Variants in WDR41 observed in about 807,000 individuals in gnomAD.
WDR41 encodes the protein WD repeat-containing protein 41.
A neutral mutation model predicts 69.3 loss-of-function variants in WDR41; 63 were observed. That is an observed-to-expected ratio of 0.91 (90% confidence interval 0.74 to 1.12). The LOEUF (loss-of-function observed/expected upper bound fraction) is 1.12, where lower values mean the gene tolerates loss of function less well. Ranked by LOEUF, WDR41 falls within the 50% of genes most tolerant of loss-of-function variation. The pLI is 0.00. For synonymous variants in WDR41, 185 were observed against 192.1 expected (o/e 0.96, Z 0.31); for missense variants, 543 against 534.5 (o/e 1.02, Z -0.16).
chr5:77,542,009 T>G (rs1370898065), intron 1 of WDR41, among the ~76,000 whole-genome samples: 1 of 152,036 alleles, frequency 6.6e-6, no homozygotes, highest in Non-Finnish European at 1.5e-5. Context: ...AGCAAAGACA[T>G]GGAATCAGCC....
At chr5:77,543,330 T>A (rs768927655) in intron 1 of WDR41, among the ~76,000 whole-genome samples, 1 of 152,042 alleles carries the variant, frequency 6.6e-6, no homozygotes, top group Non-Finnish European at 1.5e-5. Flanking sequence ...TGAAAAAGAA[T>A]TCAGGAGGTT....
chr5:77,523,618 A>G (rs968344457), intron 1 of WDR41, among the ~76,000 whole-genome samples: 1 of 151,784 alleles, frequency 6.6e-6, no homozygotes, highest in Non-Finnish European at 1.5e-5. Context: ...TTAGAAATAT[A>G]TTTGGGTTTA....
At chr5:77,472,678 A>C (rs1800683032) in intron 2 of WDR41, among the ~76,000 whole-genome samples, 1 of 152,072 alleles carries the variant, frequency 6.6e-6, no homozygotes, top group African/African-American at 2.4e-5. Flanking sequence ...CAATTGCTTC[A>C]AAGAGAATAA....
intron 1 of WDR41, among the ~76,000 whole-genome samples, chr5:77,564,496 T>C (rs1326755710): frequency 2.0e-5 from 3 of 152,212 alleles, no homozygotes; most frequent in Non-Finnish European, 4.4e-5. Flanking sequence ...CATAGTTTTG[T>C]CACAACTTGT....
At chr5:77,469,590 G>C (rs1231268459) in intron 2 of WDR41, among the ~76,000 whole-genome samples, 2 of 152,140 alleles carry the variant, frequency 1.3e-5, no homozygotes, top group Non-Finnish European at 2.9e-5. Context: ...ATTTTTGCGT[G>C]TGTGTGATGT....
At chr5:77,456,128 T>A (rs1271162126) in intron 5 of WDR41, among the ~76,000 whole-genome samples, 1 of 152,194 alleles carries the variant, frequency 6.6e-6, no homozygotes, top group Non-Finnish European at 1.5e-5. Context: ...ATCTTTAATA[T>A]CTTTCAACAA....
Position 77,489,648 on chromosome 5 carries a change from G to C in WDR41, c.52-76C>G, listed in dbSNP as rs976050710. ...TAAAATGATTTGTAAGACCATATTG[G>C]AATATAACTCCATGGTATACATCTG... On this transcript the variant is annotated intron_variant, in intron 1 of 12. Transcript: ENST00000296679. 1.0e-5 allele frequency: 9 copies of C among 879,100 alleles called. No individual in the cohort carries two copies. The Admixed American group carries it at 2.0e-4, about 19-fold the overall frequency. 54.5% of individuals were successfully genotyped at this position (879,100 alleles called of 1,614,324 possible). A position where few individuals can be genotyped will look rare whatever the true frequency, so the allele number is the denominator to read the frequency against.
At chr5:77,470,294 G>A (rs1800519886) in intron 2 of WDR41, among the ~76,000 whole-genome samples, 1 of 152,146 alleles carries the variant, frequency 6.6e-6, no homozygotes, top group Admixed American at 6.5e-5. Flanking sequence ...AACATGGAAA[G>A]GAACAACCGA....
chr5:77,559,071 A>G (rs1189504070), intron 1 of WDR41, among the ~76,000 whole-genome samples: 1 of 152,188 alleles, frequency 6.6e-6, no homozygotes, highest in Non-Finnish European at 1.5e-5. Context: ...AATAACAGAC[A>G]CATGTATTGA....
At chr5:77,538,853 G>A (rs891208088) in intron 1 of WDR41, among the ~76,000 whole-genome samples, 1 of 152,136 alleles carries the variant, frequency 6.6e-6, no homozygotes. Context: ...AGAGGTTTTT[G>A]TTTACTTTTT....
At chr5:77,609,682 G>A (rs1423615317) in intron 1 of WDR41, among the ~76,000 whole-genome samples, 2 of 151,934 alleles carry the variant, frequency 1.3e-5, no homozygotes, top group East Asian at 3.9e-4. Context: ...AAGACCAAAA[G>A]TAGATAAAAC....
In WDR41 at chr5:77,523,150, C is replaced by T. The variant is rs1489153751; in HGVS notation, c.43-33578G>A. Among the ~76,000 whole-genome samples, 4 of 151,908 alleles carry T rather than the reference C, an allele frequency of 2.6e-5. No homozygotes were observed. The East Asian group carries it at 7.7e-4, about 29-fold the overall frequency. ...CCAACATAGTGAAACCCCATCTCTACTAAAAATACAAAAATTAGCTTGGCG... is the reference window on the plus strand; with the variant it reads ...CCAACATAGTGAAACCCCATCTCTATTAAAAATACAAAAATTAGCTTGGCG... On this transcript the variant is annotated intron_variant, in intron 1 of 5. Coordinates refer to the WDR41 transcript ENST00000509971.
intron 1 of WDR41, chr5:77,582,773 T>C (rs899435944): frequency 1.0e-5 from 16 of 1,598,838 alleles, no homozygotes; most frequent in Non-Finnish European, 1.4e-5. Flanking sequence ...ATTAACATGC[T>C]GAGGATTGTA....
At chr5:77,617,037 C>T (rs547800034) in intron 1 of WDR41, among the ~76,000 whole-genome samples, 1 of 152,332 alleles carries the variant, frequency 6.6e-6, no homozygotes, top group Admixed American at 6.5e-5. Flanking sequence ...ACAGCTAAAG[C>T]ACAGAATGGG....
At chr5:77,466,408 T>C (rs1800306277) in intron 2 of WDR41, among the ~76,000 whole-genome samples, 1 of 151,876 alleles carries the variant, frequency 6.6e-6, no homozygotes, top group Admixed American at 6.6e-5. Context: ...TGTATAGTGA[T>C]GGTGGGGAGG....
At chr5:77,495,105 G>A (rs1219235596), upstream of WDR41, among the ~76,000 whole-genome samples, 1 of 151,934 alleles carries the variant, frequency 6.6e-6, no homozygotes, top group Admixed American at 6.6e-5. Context: ...AACACAACAC[G>A]ACAAAACTTA....
At chr5:77,451,415 A>C (rs1431910190) in intron 6 of WDR41, 62 bp from the exon 7 acceptor site, 1 of 1,486,714 alleles carries the variant, frequency 6.7e-7, no homozygotes. Flanking sequence ...CAAAAACAAA[A>C]ACATTCTCAG....
At chr5:77,473,167 A>G (rs1234197571) in intron 2 of WDR41, among the ~76,000 whole-genome samples, 1 of 152,218 alleles carries the variant, frequency 6.6e-6, no homozygotes, top group Non-Finnish European at 1.5e-5. Context: ...GATCTTTGAC[A>G]AACCTGACAA....
intron 1 of WDR41, among the ~76,000 whole-genome samples, chr5:77,616,881 C>A (rs1744689725): frequency 6.6e-6 from 1 of 152,162 alleles, no homozygotes; most frequent in Non-Finnish European, 1.5e-5. Flanking sequence ...TTAAGACTTT[C>A]TTCTTCTTCC....
Sources: gnomAD v4.1 joint callset for allele counts (sites outside exome capture counted in the v4.1 genomes callset) on GRCh38, gnomAD v4.1.1 for gene constraint, MANE v1.5 for transcripts, NCBI Gene and HGNC (gene_info 2026-07-23, HGNC 2026-07-21) for gene names.